Variants in COL18A1 observed in about 807,000 individuals in gnomAD.
The protein encoded by COL18A1 is collagen alpha-1(XVIII) chain.
COL18A1 carries 133 observed loss-of-function variants against 168.0 expected under a neutral mutation model. The ratio of observed to expected loss-of-function variants is 0.79; its 90% CI spans 0.69 to 0.91. The LOEUF (loss-of-function observed/expected upper bound fraction) is 0.91. Ranked by LOEUF, COL18A1 falls within the 40% of genes least tolerant of loss-of-function variation. The probability of loss-of-function intolerance (pLI) is 0.00; values close to 1 mark genes in which losing one functional copy is unlikely to be tolerated. For synonymous variants in COL18A1, 949 were observed against 809.0 expected (o/e 1.17, Z -2.94); for missense variants, 2,126 against 1,925.4 (o/e 1.10, Z -1.95).
intron 2 of COL18A1, among the ~76,000 whole-genome samples, chr21:45,412,764 C>T (rs1458003067): frequency 2.0e-5 from 3 of 152,344 alleles, no homozygotes; most frequent in Middle Eastern, 3.4e-3. Context: ...TGTGGGGAGG[C>T]CACGTGGCAC....
At chr21:45,483,003 C>G (rs2035953644) in intron 15 of COL18A1, among the ~76,000 whole-genome samples, 182 bp downstream of exon 15, 1 of 152,254 alleles carries the variant, frequency 6.6e-6, no homozygotes, top group South Asian at 2.1e-4. Context: ...GCCTCTGTCA[C>G]TCTGGCGAGG....
At chr21:45,478,801 G>A (rs919312413) in intron 9 of COL18A1, among the ~76,000 whole-genome samples, 8 of 152,144 alleles carry the variant, frequency 5.3e-5, no homozygotes, top group Non-Finnish European at 8.8e-5. Flanking sequence ...TGACGTGATC[G>A]ACTGCGAATA....
rs1049665914 is a variant in COL18A1 at position 45,423,799 on chromosome 21, C to G, written c.106+18326C>G. The G allele has an allele frequency of 6.6e-5, 10 of 152,342 alleles. No homozygotes were observed. The highest frequency in any genetic ancestry group is 6.5e-4 in the Admixed American group (10 of 15,290). 9.4% of individuals were successfully genotyped at this position (152,342 alleles called of 1,614,324 possible). A position where few individuals can be genotyped will look rare whatever the true frequency, so the allele number is the denominator to read the frequency against. ...TGGAGGCAGTTCCGTCCTGCAGACT[C>G]CGTGGTTCTGAGTTGGAGCCCTTAC... is the stretch of plus-strand genomic sequence containing the variant. On this transcript the variant is annotated intron_variant, in intron 2 of 41. Coordinates refer to ENST00000651438, the MANE Select transcript of COL18A1 (RefSeq NM_001379500.1). This position sits in a 1 kb window ranked among gnomAD's most constrained non-coding sequence, Gnocchi z 4.0.
intron 2 of COL18A1, among the ~76,000 whole-genome samples, chr21:45,418,865 AG>A (rs1055459371): frequency 4.6e-5 from 7 of 152,122 alleles, no homozygotes; most frequent in African/African-American, 1.7e-4. Context: ...CACACCCTCT[AG>A]AGGGGCTTGT....
At chr21:45,504,618 G>A in intron 34 of COL18A1, 62 bp downstream of exon 34, 1 of 1,469,982 alleles carries the variant, frequency 6.8e-7, no homozygotes, top group Non-Finnish European at 9.3e-7. Flanking sequence ...GGAGCCGAGG[G>A]CAGGTCCAGC....
At chr21:45,512,152 G>A (rs1602666881) in intron 41 of COL18A1, 36 bp from the exon 42 acceptor site, 1 of 1,592,172 alleles carries the variant, frequency 6.3e-7, no homozygotes, top group South Asian at 1.1e-5. Context: ...AGCAGAGCAG[G>A]TCTGGGTTTG....
At chr21:45,468,140 G>T (rs1277670003) in intron 2 of COL18A1, 102 bp from the exon 3 acceptor site, 5 of 1,314,538 alleles carry the variant, frequency 3.8e-6, no homozygotes, top group Non-Finnish European at 5.3e-6. Context: ...CCCAGACTCA[G>T]TTTCTCCTTT....
intron 29 of COL18A1, chr21:45,496,077 C>CTCCATGCCCTCTATGCCT: frequency 3.9e-6 from 1 of 254,624 alleles, no homozygotes; most frequent in Non-Finnish European, 7.9e-6. Context: ...GGGCCATGCC[C>CTCCATGCCCTCTATGCCT]TCCATGCCCT....
chr21:45,494,622 C>T (rs777751545), intron 27 of COL18A1, 51 bp downstream of exon 27: 14 of 1,611,554 alleles, frequency 8.7e-6, no homozygotes, highest in African/African-American at 1.3e-5. Context: ...TGACGGCCCC[C>T]AAGGACACGG....
intron 2 of COL18A1, among the ~76,000 whole-genome samples, chr21:45,435,876 C>T (rs2034082908): frequency 6.6e-6 from 1 of 152,174 alleles, no homozygotes; most frequent in African/African-American, 2.4e-5. Context: ...TGAACAAATG[C>T]TCTTCCCATC....
chr21:45,481,997 C>T lies in COL18A1; in HGVS notation c.1646C>T (p.Pro549Leu), dbSNP rs760127889. The part of the protein sequence containing the change: ...PPGPPGREGP[P>L]GRTGQKGSLG... ...GGCCCTCCGGGAAGAGAGGGGCCCC[C>T]AGGAAGGACTGGGCAGAAAGGCAGC... The change falls in exon 14 of 42, where the codon CCA becomes CTA. Residue 549 changes from proline to leucine, a missense_variant. Transcript: ENST00000651438. 5 of 1,613,596 alleles carry T rather than the reference C, an allele frequency of 3.1e-6. No individual in the cohort carries two copies. In the African/African-American group the frequency reaches 4.0e-5, roughly 13 times the overall value.
rs1232741606 is a variant in COL18A1, at chr21:45,442,358, T to G, written c.107-25884T>G. 2.6e-5 allele frequency among the ~76,000 whole-genome samples: 4 copies of G among 152,320 alleles called. No individual in the cohort carries two copies. In the East Asian group the frequency reaches 7.7e-4, roughly 29 times the overall value. ...GCCACAGAGGCACACGTCGTGTCTG[T>G]GGGGAGGGCCCCTCACTCTCTGGCT... is the stretch of plus-strand genomic sequence containing the variant. On this transcript the variant is annotated intron_variant, in intron 2 of 41. Transcript: ENST00000651438.
At chr21:45,494,686 G>A in intron 27 of COL18A1, 115 bp downstream of exon 27, 1 of 1,512,744 alleles carries the variant, frequency 6.6e-7, no homozygotes, top group Non-Finnish European at 9.1e-7. Flanking sequence ...TCTCCCTAGT[G>A]CAGTTTTAAA....
rs2035835799 is a variant in COL18A1 at position 45,479,966 on chromosome 21, T to A, written c.1311+2T>A. ...GACGTAGGTCCCAAGGGCGACAAGG[T>A]GAGTCTCCGTGGCTGGGTGGGGCCC... On this transcript the variant is annotated splice_donor_variant, in intron 10 of 41. Coordinates refer to ENST00000651438, the MANE Select transcript of COL18A1 (RefSeq NM_001379500.1). LOFTEE classifies it high-confidence loss of function. 12 of 1,613,496 alleles carry A rather than the reference T, an allele frequency of 7.4e-6. No individual in the cohort carries two copies. The highest frequency in any genetic ancestry group is 1.0e-5 in the Non-Finnish European group (12 of 1,179,884).
chr21:45,463,530 A>G lies in COL18A1; in HGVS notation c.107-4712A>G, dbSNP rs1034761512. ...ACTTGTTAATTAGTTGGGGAGATGGATTCCTGGCGCTTTCCATCTGCCATT... is the reference window on the plus strand; with the variant it reads ...ACTTGTTAATTAGTTGGGGAGATGGGTTCCTGGCGCTTTCCATCTGCCATT... On this transcript the variant is annotated intron_variant, in intron 2 of 41. Transcript: ENST00000651438. This position sits in a 1 kb window ranked among gnomAD's most constrained non-coding sequence, Gnocchi z 4.0. Among the ~76,000 whole-genome samples, 1 of 152,240 alleles carries G rather than the reference A, an allele frequency of 6.6e-6. No homozygotes were observed. Among genetic ancestry groups the G allele is most frequent in the African/African-American group, 2.4e-5 (1 of 41,464 alleles).
intron 9 of COL18A1, among the ~76,000 whole-genome samples, chr21:45,478,642 A>T (rs1293017121): frequency 6.6e-6 from 1 of 152,146 alleles, no homozygotes; most frequent in Non-Finnish European, 1.5e-5. Flanking sequence ...ACAGCAAAGA[A>T]AAAGGAAGTC....
intron 29 of COL18A1, chr21:45,495,702 A>C: frequency 2.4e-6 from 1 of 424,784 alleles, no homozygotes; most frequent in Non-Finnish European, 4.3e-6. Context: ...ATGCCCATAC[A>C]CACGCGCACA....
intron 2 of COL18A1, among the ~76,000 whole-genome samples, chr21:45,406,117 G>C (rs776454421): frequency 1.1e-4 from 17 of 152,220 alleles, no homozygotes; most frequent in Admixed American, 3.3e-4. Context: ...GGGCCCGTGG[G>C]GACCTTCCTG....
chr21:45,460,362 C>T (rs1568885715), intron 2 of COL18A1, among the ~76,000 whole-genome samples: 1 of 152,204 alleles, frequency 6.6e-6, no homozygotes, highest in African/African-American at 2.4e-5. Context: ...TCCACACACA[C>T]GCCGGCCAAG....
Sources: gnomAD v4.1 joint callset for allele counts (sites outside exome capture counted in the v4.1 genomes callset) on GRCh38, gnomAD v4.1.1 for gene constraint, Gnocchi (gnomAD v3.1) non-coding constraint, MANE v1.5 for transcripts, NCBI Gene and HGNC (gene_info 2026-07-23, HGNC 2026-07-21) for gene names.